The following TRMT10A variants were observed in gnomAD, a reference collection of about 807,000 sequenced individuals.
TRMT10A encodes the protein tRNA methyltransferase 10 homolog A.
In TRMT10A, 37 loss-of-function variants were observed where a neutral mutation model predicts 40.4. That is an observed-to-expected ratio of 0.92 (90% CI 0.71 to 1.21). The LOEUF (loss-of-function observed/expected upper bound fraction) is 1.21. Among genes scored for constraint, TRMT10A ranks in the 50% most tolerant of loss-of-function variants. The pLI is 0.00. For synonymous variants in TRMT10A, 103 were observed against 134.1 expected (o/e 0.77, Z 1.60); for missense variants, 388 against 404.3 (o/e 0.96, Z 0.35).
In TRMT10A at chr4:99,550,940, G is replaced by A; in HGVS notation, c.696C>T (p.Leu232=). ...ASDYGINHAQ[L]PLGNFVKMNS... is the part of the protein sequence containing the mutation. Reference sequence around the variant, plus strand: ...TCATCTTCACAAAATTTCCAAGTGGGAGCTGTGCATGATTGATTCCATAAT... The same window carrying A: ...TCATCTTCACAAAATTTCCAAGTGGAAGCTGTGCATGATTGATTCCATAAT... Residue 232 remains leucine, a synonymous_variant, in exon 7 of 8, where the codon CTC becomes CTT. Coordinates refer to ENST00000394876, the MANE Select transcript of TRMT10A (RefSeq NM_001134665.3). 1 of 1,613,106 alleles carries A rather than the reference G, an allele frequency of 6.2e-7. No homozygotes were observed. Among genetic ancestry groups the A allele is most frequent in the Non-Finnish European group, 8.5e-7 (1 of 1,179,562 alleles).
rs1437473428 is a variant in TRMT10A, at chr4:99,553,807, A to T, written c.623T>A (p.Leu208Ter). The T allele has an allele frequency of 6.2e-7, 1 of 1,611,792 alleles. No homozygotes were observed. Among genetic ancestry groups the T allele is most frequent in the South Asian group, 1.1e-5 (1 of 90,828 alleles). Reference sequence around the variant, plus strand: ...TACCTTGTGATGGTTGTGATCTACTAATCCTCCAATCACATAGGCCTTTGA... The same window carrying T: ...TACCTTGTGATGGTTGTGATCTACTTATCCTCCAATCACATAGGCCTTTGA... The part of the protein sequence containing the change: ...DESKAYVIGG[L>*]VDHNHHKGLT... Residue 208 changes from leucine to a stop codon, truncating the protein, a stop_gained, in exon 6 of 8, where the codon TTA (leucine) becomes TAA (stop). Transcript: ENST00000394876. LOFTEE classifies it high-confidence loss of function.
rs766061433 is a variant in TRMT10A, at chr4:99,556,233, T to C, written c.421-13A>G. 1 of 1,609,736 alleles carries C rather than the reference T, an allele frequency of 6.2e-7. No homozygotes were observed. The highest frequency in any genetic ancestry group is 1.7e-5 in the Admixed American group (1 of 59,726). On this transcript the variant is annotated splice_polypyrimidine_tract_variant and intron_variant, in intron 4 of 7. Transcript: ENST00000394876. Reference sequence around the variant, plus strand: ...TTGTCAAGTAAAACTGATAAAAGATTTGTAAGTATAGAAAAAGAGAACAAA... The same window carrying C: ...TTGTCAAGTAAAACTGATAAAAGATCTGTAAGTATAGAAAAAGAGAACAAA...
rs745489199 is a variant in TRMT10A, at chr4:99,550,970, C to T, written c.666G>A (p.Ala222=). The T allele has an allele frequency of 1.4e-5, 23 of 1,611,558 alleles. No individual in the cohort carries two copies. Among genetic ancestry groups the T allele is most frequent in the East Asian group, 1.3e-4 (6 of 44,604 alleles). ...NHHKGLTYKQ[A]SDYGINHAQL... ...GTGCATGATTGATTCCATAATCTGA[C>T]GCTTGTTTATATGTGAGTCCCTAAA... The change falls in exon 7 of 8, where the codon GCG becomes GCA. Residue 222 remains alanine (A), a synonymous_variant. Transcript: ENST00000394876.
At chr4:99,552,914 T>G (rs1358239825) in intron 6 of TRMT10A, among the ~76,000 whole-genome samples, 1 of 151,822 alleles carries the variant, frequency 6.6e-6, no homozygotes, top group Admixed American at 6.6e-5. Context: ...CAAATAATAA[T>G]AGATTGAAGC....
chr4:99,556,880 C>T (rs28621060), intron 4 of TRMT10A, among the ~76,000 whole-genome samples: 39,753 of 151,918 alleles, frequency 0.26, 5,373 homozygotes, highest in South Asian at 0.35. Context: ...ATCACTCCCT[C>T]ACCTCAGCTT....
chr4:99,552,889 G>A (rs549642363), intron 6 of TRMT10A, among the ~76,000 whole-genome samples: 14 of 148,080 alleles, frequency 9.5e-5, no homozygotes, highest in East Asian at 2.0e-4. Context: ...CATACTTGGT[G>A]GGGGGGGGAG....
chr4:99,556,304 A>C lies in TRMT10A; in HGVS notation c.421-84T>G, dbSNP rs1244254780. The C allele has an allele frequency of 3.2e-6, 4 of 1,231,990 alleles. No homozygotes were observed. In the East Asian group the frequency reaches 7.5e-5, roughly 23 times the overall value. The allele number at this position is 1,231,990 out of a possible 1,614,324, so 76.3% of individuals were successfully genotyped here. ...TTTATTTCTCTCATCTACTTATCTG[A>C]CGATCAATGAAACACAAAATATATT... On this transcript the variant is annotated intron_variant, in intron 4 of 7. Coordinates refer to ENST00000394876, the MANE Select transcript of TRMT10A (RefSeq NM_001134665.3).
At position 99,549,369 on chromosome 4, in the gene TRMT10A, C is replaced by T. The variant is rs1723876270; in HGVS notation, c.752-13G>A. 2.5e-6 allele frequency: 4 copies of T among 1,612,174 alleles called. No homozygotes were observed. Among genetic ancestry groups the T allele is most frequent in the African/African-American group, 1.3e-5 (1 of 74,852 alleles). On this transcript the variant is annotated splice_polypyrimidine_tract_variant and intron_variant, in intron 7 of 7. Transcript: ENST00000394876. ...ATAATTTCAAACACTGCAATAAAGA[C>T]ATATTCCGTACATTTCTTAGCCAAG...
In TRMT10A at chr4:99,549,221, C is replaced by CT. The variant is rs1445524042; in HGVS notation, c.886dup (p.Arg296LysfsTer10). The stretch of plus-strand genomic sequence containing the variant: ...ACTGTCCGATCCACCTTCCTCCATC[C>CT]TGACAGACTGATTGTCATGAGAAGC... On this transcript the variant is annotated frameshift_variant, in exon 8 of 8. Coordinates refer to ENST00000394876, the MANE Select transcript of TRMT10A (RefSeq NM_001134665.3). LOFTEE classifies it low-confidence loss of function (END_TRUNC). 1 of 1,614,128 alleles carries CT rather than the reference C, an allele frequency of 6.2e-7. No individual in the cohort carries two copies.
At chr4:99,561,535 G>T (rs2110195573) in intron 1 of TRMT10A, among the ~76,000 whole-genome samples, 1 of 152,262 alleles carries the variant, frequency 6.6e-6, no homozygotes, top group South Asian at 2.1e-4. Context: ...CAGGTGCACT[G>T]AGACAAATGG....
chr4:99,553,951 A>G lies in TRMT10A; in HGVS notation c.496-17T>C. ...ATGGATATCCTTTAAGACAACAGGGAAAGAGGTTACTAATTAATAAGACCT... is the reference window on the plus strand; with the variant it reads ...ATGGATATCCTTTAAGACAACAGGGGAAGAGGTTACTAATTAATAAGACCT... On this transcript the variant is annotated splice_polypyrimidine_tract_variant and intron_variant, in intron 5 of 7. Transcript: ENST00000394876. The G allele has an allele frequency of 6.2e-7, 1 of 1,606,994 alleles. No homozygotes were observed. The highest frequency in any genetic ancestry group is 8.5e-7 in the Non-Finnish European group (1 of 1,178,244).
At chr4:99,560,888 T>C (rs1195212883) in intron 1 of TRMT10A, among the ~76,000 whole-genome samples, 1 of 152,114 alleles carries the variant, frequency 6.6e-6, no homozygotes, top group Non-Finnish European at 1.5e-5. Flanking sequence ...ATCAGTGGCA[T>C]CATTTTCAGT....
intron 5 of TRMT10A, among the ~76,000 whole-genome samples, chr4:99,554,614 G>A (rs1398207028): frequency 6.6e-6 from 1 of 151,464 alleles, no homozygotes; most frequent in African/African-American, 2.4e-5. Context: ...CCAGCTACTC[G>A]GGAGGCTGAG....
intron 6 of TRMT10A, 79 bp downstream of exon 6, chr4:99,553,706 G>A: frequency 7.3e-7 from 1 of 1,371,366 alleles, no homozygotes; most frequent in Non-Finnish European, 9.9e-7. Context: ...GCTATCATTA[G>A]TATTATTGTT....
At chr4:99,563,858 G>C (rs1325662292) in intron 1 of TRMT10A, 55 bp downstream of exon 1, 5 of 683,188 alleles carry the variant, frequency 7.3e-6, no homozygotes, top group Non-Finnish European at 2.7e-6. Flanking sequence ...GCGCCCCTTT[G>C]CGTCCAGAGA....
At chr4:99,560,973 CAG>C (rs1393509951) in intron 1 of TRMT10A, among the ~76,000 whole-genome samples, 1 of 145,790 alleles carries the variant, frequency 6.9e-6, no homozygotes, top group Non-Finnish European at 1.5e-5. Flanking sequence ...TTTTTGGAGA[CAG>C]AGTCTTGCTC....
intron 6 of TRMT10A, among the ~76,000 whole-genome samples, chr4:99,553,100 A>G (rs1724026477): frequency 6.6e-6 from 1 of 152,166 alleles, no homozygotes; most frequent in African/African-American, 2.4e-5. Flanking sequence ...TCCAATTGGT[A>G]GCCATGTGTG....
chr4:99,552,817 T>C (rs1002208300), intron 6 of TRMT10A, among the ~76,000 whole-genome samples: 1 of 151,740 alleles, frequency 6.6e-6, no homozygotes, highest in Non-Finnish European at 1.5e-5. Flanking sequence ...CAACCAGAAC[T>C]GAAATGGTCG....
rs998781937 is a variant in TRMT10A at position 99,546,719 on chromosome 4, T to C, written c.*2369A>G. The C allele has an allele frequency of 6.6e-6, 1 of 152,126 alleles. No individual in the cohort carries two copies. Among genetic ancestry groups the C allele is most frequent in the African/African-American group, 2.4e-5 (1 of 41,446 alleles). 9.4% of individuals were successfully genotyped at this position (152,126 alleles called of 1,614,324 possible). A position where few individuals can be genotyped will look rare whatever the true frequency, so the allele number is the denominator to read the frequency against. On this transcript the variant is annotated 3_prime_UTR_variant, in exon 8 of 8. Transcript: ENST00000394876. ...ATTTCAGCAGACATATATTTTTTGA[T>C]GCATTTATTTAGGTAGTTTAATTCT...
Sources: gnomAD v4.1 joint callset for allele counts (sites outside exome capture counted in the v4.1 genomes callset) on GRCh38, gnomAD v4.1.1 for gene constraint, MANE v1.5 for transcripts, NCBI Gene and HGNC (gene_info 2026-07-23, HGNC 2026-07-21) for gene names.